Variants in GATB observed in about 807,000 individuals in gnomAD.
GATB encodes the protein glutamyl-tRNA(Gln) amidotransferase subunit B, mitochondrial.
GATB carries 39 observed loss-of-function variants against 62.3 expected under a neutral mutation model. That is an observed-to-expected ratio of 0.63 (90% CI 0.48 to 0.82). GATB has a LOEUF of 0.82. GATB is among the 40% of genes least tolerant of loss of function. GATB has a pLI of 0.00. For missense variants in GATB, 670 were observed against 684.0 expected (o/e 0.98, Z 0.23); for synonymous variants, 276 against 258.9 (o/e 1.07, Z -0.63).
intron 5 of GATB, among the ~76,000 whole-genome samples, chr4:151,709,596 A>G (rs925437866): frequency 2.0e-5 from 3 of 152,116 alleles, no homozygotes; most frequent in African/African-American, 7.2e-5. Flanking sequence ...CCAGTTTGGA[A>G]GCTGTCAAAT....
intron 7 of GATB, among the ~76,000 whole-genome samples, chr4:151,704,752 C>T (rs1339072362): frequency 2.2e-5 from 3 of 135,346 alleles, no homozygotes; most frequent in African/African-American, 8.5e-5. Flanking sequence ...GGCGCCTGGC[C>T]TTCTTTTTTG....
intron 12 of GATB, 68 bp downstream of exon 12, chr4:151,672,694 G>A: frequency 1.3e-6 from 2 of 1,538,928 alleles, no homozygotes; most frequent in Non-Finnish European, 1.8e-6. Flanking sequence ...GCCACAGGGA[G>A]CGATGGCGAG....
intron 5 of GATB, among the ~76,000 whole-genome samples, chr4:151,714,904 AC>A (rs1738884623): frequency 6.6e-6 from 1 of 152,206 alleles, no homozygotes; most frequent in Admixed American, 6.5e-5. Context: ...CCTTTATGCC[AC>A]TCAAACTCAT....
intron 2 of GATB, among the ~76,000 whole-genome samples, chr4:151,755,665 T>TTA (rs920626615): frequency 5.9e-5 from 9 of 152,148 alleles, no homozygotes; most frequent in Non-Finnish European, 8.8e-5. Context: ...TTAACTTATA[T>TTA]TATATATATA....
chr4:151,755,768 C>T (rs1739814208), intron 2 of GATB, among the ~76,000 whole-genome samples: 1 of 152,108 alleles, frequency 6.6e-6, no homozygotes. Flanking sequence ...TATCCTTTTC[C>T]CACTGATTTT....
chr4:151,686,210 C>CGAGGGA (rs1376121460), intron 10 of GATB, among the ~76,000 whole-genome samples: 12 of 152,020 alleles, frequency 7.9e-5, no homozygotes, highest in African/African-American at 2.4e-4. Context: ...CTTTTTCCCT[C>CGAGGGA]AAAAGCTCTC....
chr4:151,716,904 A>G lies in GATB; in HGVS notation c.612T>C (p.Ser204=). 3 of 1,614,212 alleles carry G rather than the reference A, an allele frequency of 1.9e-6. No individual in the cohort carries two copies. Among genetic ancestry groups the G allele is most frequent in the Non-Finnish European group, 2.5e-6 (3 of 1,180,032 alleles). ...CCCTGTTCAAATCAATGAGCGTCTG[A>G]GACCTCAGGTTGTCGTGGAGGCTTT... ...SGKSLHDNLR[S]QTLIDLNRAG... Residue 204 remains serine, a synonymous_variant, in exon 4 of 13, where the codon TCT becomes TCC. Transcript: ENST00000263985.
chr4:151,760,683 G>C (rs567528848), intron 1 of GATB, 124 bp downstream of exon 1: 1 of 834,766 alleles, frequency 1.2e-6, no homozygotes. Flanking sequence ...GGGGCTCCAG[G>C]TTATAACTCA....
At chr4:151,742,079 G>C (rs1041919422) in intron 2 of GATB, among the ~76,000 whole-genome samples, 1 of 142,930 alleles carries the variant, frequency 7.0e-6, no homozygotes, top group Non-Finnish European at 1.5e-5. Context: ...CAATGGGAAG[G>C]GAGGGATATG....
chr4:151,702,262 CATAA>C (rs1738621670), intron 8 of GATB, among the ~76,000 whole-genome samples: 1 of 151,842 alleles, frequency 6.6e-6, no homozygotes, highest in African/African-American at 2.4e-5. Context: ...GCAGCATTTA[CATAA>C]ATAAAAAATG....
chr4:151,750,688 T>C (rs1739704618), intron 2 of GATB, among the ~76,000 whole-genome samples: 1 of 151,866 alleles, frequency 6.6e-6, no homozygotes, highest in African/African-American at 2.4e-5. Context: ...GGTCTCACTC[T>C]GTCACTCAGA....
intron 2 of GATB, among the ~76,000 whole-genome samples, chr4:151,750,680 T>G (rs892299394): frequency 6.6e-6 from 1 of 151,690 alleles, no homozygotes; most frequent in Non-Finnish European, 1.5e-5. Context: ...TGAAACAGGG[T>G]CTCACTCTGT....
intron 2 of GATB, among the ~76,000 whole-genome samples, chr4:151,728,011 A>G (rs1342887306): frequency 6.6e-6 from 1 of 152,218 alleles, no homozygotes; most frequent in African/African-American, 2.4e-5. Context: ...TGTCAACATA[A>G]TATTTCCCCC....
chr4:151,728,955 CGTGCCATTTTGTCAAAA>C (rs1735712343), intron 2 of GATB, among the ~76,000 whole-genome samples: 1 of 152,234 alleles, frequency 6.6e-6, no homozygotes, highest in African/African-American at 2.4e-5. Context: ...CCTAGAGATA[CGTGCCATTTTGTCAAAA>C]GTGCACCTGC....
At chr4:151,736,823 A>T (rs1739385590) in intron 2 of GATB, among the ~76,000 whole-genome samples, 1 of 152,094 alleles carries the variant, frequency 6.6e-6, no homozygotes, top group Non-Finnish European at 1.5e-5. Flanking sequence ...ACGAGATCTG[A>T]TGGTTTTAAA....
intron 2 of GATB, among the ~76,000 whole-genome samples, chr4:151,748,219 C>A (rs1739642055): frequency 1.3e-5 from 2 of 152,134 alleles, no homozygotes; most frequent in African/African-American, 4.8e-5. Context: ...AATCCTAAGC[C>A]AAAAGAACAA....
chr4:151,752,052 T>C (rs981865916), intron 2 of GATB, among the ~76,000 whole-genome samples: 3 of 152,222 alleles, frequency 2.0e-5, no homozygotes, highest in East Asian at 1.9e-4. Context: ...TCACATCTGA[T>C]TGACACTGTT....
intron 9 of GATB, among the ~76,000 whole-genome samples, chr4:151,692,805 T>C (rs750185489): frequency 2.6e-5 from 4 of 152,218 alleles, no homozygotes; most frequent in Non-Finnish European, 5.9e-5. Flanking sequence ...CAATTGAGCA[T>C]ATTGTATTTT....
chr4:151,672,961 C>T, intron 11 of GATB, 65 bp from the exon 12 acceptor site: 4 of 1,578,736 alleles, frequency 2.5e-6, no homozygotes, highest in Non-Finnish European at 3.5e-6. Flanking sequence ...GCTCCATTTG[C>T]AGTGCTGTGC....
Sources: gnomAD v4.1 joint callset for allele counts (sites outside exome capture counted in the v4.1 genomes callset) on GRCh38, gnomAD v4.1.1 for gene constraint, MANE v1.5 for transcripts, NCBI Gene and HGNC (gene_info 2026-07-23, HGNC 2026-07-21) for gene names.